TMEM94: variants seen among roughly 807,000 people sequenced by gnomAD.
The protein encoded by TMEM94 is ER Mg2+ ATPase.
A neutral mutation model predicts 158.6 loss-of-function variants in TMEM94; 81 were observed. The ratio of observed to expected loss-of-function variants is 0.51; its 90% CI spans 0.43 to 0.61. The LOEUF (loss-of-function observed/expected upper bound fraction) is 0.61. Among genes scored for constraint, TMEM94 ranks in the 20% least tolerant of loss-of-function variants. The pLI, the probability that TMEM94 is intolerant of heterozygous loss-of-function variation, is 0.00. For synonymous variants in TMEM94, 751 were observed against 730.7 expected (o/e 1.03, Z -0.45); for missense variants, 1,435 against 1,762.0 (o/e 0.81, Z 3.32).
At chr17:75,464,957 C>T (rs1159717177) in intron 1 of TMEM94, among the ~76,000 whole-genome samples, 1 of 151,926 alleles carries the variant, frequency 6.6e-6, no homozygotes. Flanking sequence ...CCTCAGCTTC[C>T]CAAAGTGCTG....
chr17:75,499,103 C>T (rs1048548830), intron 31 of TMEM94, 21 bp downstream of exon 31: 1 of 1,574,726 alleles, frequency 6.4e-7, no homozygotes, highest in Non-Finnish European at 8.6e-7. Flanking sequence ...AGCAGGGCGC[C>T]TCCCTCTGGG....
In TMEM94 at chr17:75,471,840, T is replaced by C. The variant is rs2050514974; in HGVS notation, c.-66T>C. 1.3e-6 allele frequency: 2 copies of C among 1,559,092 alleles called. No individual in the cohort carries two copies. Among genetic ancestry groups the C allele is most frequent in the Non-Finnish European group, 1.8e-6 (2 of 1,131,100 alleles). On this transcript the variant is annotated 5_prime_UTR_variant, in exon 2 of 32. Transcript: ENST00000314256. ...CAGACTCACTGGGGTTTGTACATGC[T>C]GGGGAGGAGCCTTCCTTTCAGGGGT... is the stretch of plus-strand genomic sequence containing the variant.
chr17:75,493,437 G>A (rs921790435), intron 16 of TMEM94, 54 bp from the exon 17 acceptor site: 54 of 1,560,584 alleles, frequency 3.5e-5, no homozygotes, highest in Non-Finnish European at 4.4e-5. Flanking sequence ...TGCCTGTCAG[G>A]TCAGCGTGAG....
In TMEM94 at chr17:75,492,753, G is replaced by C; in HGVS notation, c.1876G>C (p.Val626Leu). Residue 626 changes from valine to leucine, a missense_variant, in exon 15 of 32, where the codon GTG becomes CTG. By Grantham distance (32) the Val-to-Leu change is conservative (BLOSUM62 1). Coordinates refer to ENST00000314256, the MANE Select transcript of TMEM94 (RefSeq NM_014738.6). This position sits in a 1 kb window ranked among gnomAD's most constrained non-coding sequence, Gnocchi z 4.4. ...ESHSAVLPVH[V>L]PWGLCELARL... ...CCACAGCGCCGTGCTGCCCGTCCAT[G>C]TGCCCTGGGGCCTCTGCGAGCTTGC... 1 of 1,608,800 alleles carries C rather than the reference G, an allele frequency of 6.2e-7. No homozygotes were observed. Among genetic ancestry groups the C allele is most frequent in the Non-Finnish European group, 8.5e-7 (1 of 1,179,846 alleles).
chr17:75,459,534 T>C (rs1207519454), intron 1 of TMEM94, among the ~76,000 whole-genome samples: 2 of 152,206 alleles, frequency 1.3e-5, no homozygotes, highest in African/African-American at 2.4e-5. Flanking sequence ...ATGAAGGTTG[T>C]GATCGTCCTG....
intron 9 of TMEM94, 76 bp from the exon 10 acceptor site, chr17:75,490,139 CCCAGGGAATGGCCGTGGGG>C (rs2052027610): frequency 2.0e-6 from 3 of 1,517,730 alleles, no homozygotes; most frequent in Non-Finnish European, 2.7e-6. Context: ...GCCCTTCCTG[CCCAGGGAATGGCCGTGGGG>C]CCAGGGCAGC....
chr17:75,490,389 C>A (rs1215471480), intron 10 of TMEM94, 39 bp downstream of exon 10: 1 of 1,595,980 alleles, frequency 6.3e-7, no homozygotes, highest in Admixed American at 1.7e-5. Flanking sequence ...GTCACAGGAA[C>A]AAAAAGAGGG....
At chr17:75,494,495 C>T (rs1598425978) in intron 18 of TMEM94, 132 bp from the exon 19 acceptor site, 19 of 798,234 alleles carry the variant, frequency 2.4e-5, no homozygotes, top group Middle Eastern at 2.9e-4. Context: ...TCGGCTCCTT[C>T]GTGTGTCTTG....
chr17:75,458,534 CA>C (rs1356954168), intron 1 of TMEM94, among the ~76,000 whole-genome samples: 1 of 150,940 alleles, frequency 6.6e-6, no homozygotes, highest in African/African-American at 2.4e-5. Context: ...ACAAGAAAAC[CA>C]AAAAAATTAG....
intron 1 of TMEM94, among the ~76,000 whole-genome samples, chr17:75,461,884 A>G (rs1232838738): frequency 6.8e-6 from 1 of 148,032 alleles, no homozygotes; most frequent in Non-Finnish European, 1.5e-5. Context: ...ACTGCACTCC[A>G]GCATGGACGA....
At position 75,487,399 on chromosome 17, in the gene TMEM94, C is replaced by T. The variant is rs2051712065; in HGVS notation, c.410-533C>T. On this transcript the variant is annotated intron_variant, in intron 5 of 31. Coordinates refer to ENST00000314256, the MANE Select transcript of TMEM94 (RefSeq NM_014738.6). This position sits in a 1 kb window ranked among gnomAD's most constrained non-coding sequence, Gnocchi z 4.6. Reference sequence around the variant, plus strand: ...TCTGCTGGTGAGCTTCTCCCTCACTCATCTCCAGCTGACAAAACCATTCTT... The same window carrying T: ...TCTGCTGGTGAGCTTCTCCCTCACTTATCTCCAGCTGACAAAACCATTCTT... 4 of 159,474 alleles carry T rather than the reference C, an allele frequency of 2.5e-5. No homozygotes were observed. Among genetic ancestry groups the T allele is most frequent in the African/African-American group, 7.2e-5 (3 of 41,530 alleles). The allele number at this position is 159,474 out of a possible 1,614,324, so 9.9% of individuals were successfully genotyped here. A position where few individuals can be genotyped will look rare whatever the true frequency, so the allele number is the denominator to read the frequency against.
At position 75,489,582 on chromosome 17, in the gene TMEM94, T is replaced by C. The variant is rs2051955180; in HGVS notation, c.874T>C (p.Phe292Leu). 4 of 1,613,952 alleles carry C rather than the reference T, an allele frequency of 2.5e-6. No homozygotes were observed. The Middle Eastern group carries it at 4.9e-4, about 200-fold the overall frequency. Residue 292 changes from phenylalanine to leucine, a missense_variant, in exon 9 of 32, where the codon TTC (phenylalanine) becomes CTC (leucine). Phe to Leu is a conservative substitution (Grantham distance 22). Coordinates refer to ENST00000314256, the MANE Select transcript of TMEM94 (RefSeq NM_014738.6). The surrounding 1 kb of genome is among the most constrained non-coding windows in gnomAD (Gnocchi z 5.0). ...HYAVPVVLAG[F>L]LITNALRFIF... The stretch of plus-strand genomic sequence containing the variant: ...CCTCTGCTGTTCCCAACAGGCCGGC[T>C]TCCTCATCACCAATGCCCTGCGCTT...
chr17:75,464,697 TTCTTTC>T (rs2050241187), intron 1 of TMEM94, among the ~76,000 whole-genome samples: 1 of 147,882 alleles, frequency 6.8e-6, no homozygotes, highest in Non-Finnish European at 1.5e-5. Context: ...CTTTCTTTCT[TTCTTTC>T]TTTCCTCTTT....
At chr17:75,476,097 C>CGT (rs2050677830) in intron 2 of TMEM94, among the ~76,000 whole-genome samples, 1 of 152,146 alleles carries the variant, frequency 6.6e-6, no homozygotes, top group African/African-American at 2.4e-5. Context: ...GGGGAGTTGC[C>CGT]GTGTGATTTG....
intron 1 of TMEM94, among the ~76,000 whole-genome samples, chr17:75,467,520 C>CTTTTTTTTTTTTTTT (rs947595391): frequency 1.0e-5 from 1 of 99,146 alleles, no homozygotes; most frequent in Non-Finnish European, 2.0e-5. Flanking sequence ...ATTTCTTTTT[C>CTTTTTTTTTTTTTTT]TTTTTTTTTT....
intron 1 of TMEM94, among the ~76,000 whole-genome samples, chr17:75,471,240 A>C (rs545450742): frequency 7.5e-6 from 1 of 132,594 alleles, no homozygotes; most frequent in East Asian, 2.0e-4. Context: ...ATCCGTCTCA[A>C]AAAAAAAAAA....
chr17:75,462,011 G>GTTTTTTTTTTTTTTTT (rs1156728166), intron 1 of TMEM94, among the ~76,000 whole-genome samples: 5 of 92,870 alleles, frequency 5.4e-5, no homozygotes, highest in African/African-American at 2.5e-4. Flanking sequence ...GTTTTGTTTT[G>GTTTTTTTTTTTTTTTT]TTTTTTTTTT....
intron 2 of TMEM94, among the ~76,000 whole-genome samples, chr17:75,480,925 TC>T (rs987322467): frequency 5.9e-5 from 9 of 152,148 alleles, no homozygotes; most frequent in African/African-American, 1.9e-4. Context: ...ACACTCACAT[TC>T]CTCTCTGTGG....
At position 75,494,762 on chromosome 17, in the gene TMEM94, G is replaced by T. The variant is rs944694544; in HGVS notation, c.2543G>T (p.Cys848Phe). 1.2e-6 allele frequency: 2 copies of T among 1,613,690 alleles called. No individual in the cohort carries two copies. The highest frequency in any genetic ancestry group is 1.7e-6 in the Non-Finnish European group (2 of 1,180,034). The part of the protein sequence containing the change: ...VRLIDGLVNA[C>F]IRFVYFSLED... ...CTCATTGATGGGCTTGTCAACGCCT[G>T]CATCCGCTTTGTCTACTTCTCTTTG... The change falls in exon 19 of 32, where the codon TGC (cysteine) becomes TTC (phenylalanine). Residue 848 changes from cysteine to phenylalanine, a missense_variant. Cys to Phe is a radical substitution (Grantham distance 205). Coordinates refer to ENST00000314256, the MANE Select transcript of TMEM94 (RefSeq NM_014738.6).
Sources: gnomAD v4.1 joint callset for allele counts (sites outside exome capture counted in the v4.1 genomes callset) on GRCh38, gnomAD v4.1.1 for gene constraint, Gnocchi (gnomAD v3.1) non-coding constraint, MANE v1.5 for transcripts, NCBI Gene and HGNC (gene_info 2026-07-23, HGNC 2026-07-21) for gene names.